The following DNAH11 variants were observed in gnomAD, a reference collection of about 807,000 sequenced individuals.
DNAH11 encodes the protein dynein axonemal heavy chain 11, also known as axonemal beta dynein heavy chain 11.
Under a neutral mutation model 526.0 loss-of-function variants are expected in DNAH11, and 442 were observed. The ratio of observed to expected loss-of-function variants is 0.84; its 90% CI spans 0.78 to 0.91. The LOEUF (loss-of-function observed/expected upper bound fraction) is 0.91. Among genes scored for constraint, DNAH11 ranks in the 40% least tolerant of loss-of-function variants. DNAH11 has a pLI of 0.00. For synonymous variants in DNAH11, 2,461 were observed against 1,935.9 expected (o/e 1.27, Z -7.12); for missense variants, 6,989 against 5,448.7 (o/e 1.28, Z -8.90).
At chr7:21,555,157 G>C (rs983902668) in intron 2 of DNAH11, among the ~76,000 whole-genome samples, 2 of 152,132 alleles carry the variant, frequency 1.3e-5, no homozygotes, top group South Asian at 4.1e-4. Context: ...TGTGAGGATG[G>C]GGTTTTATCA....
chr7:21,899,804 C>T (rs889422168), intron 80 of DNAH11, among the ~76,000 whole-genome samples, 176 bp from the exon 81 acceptor site: 2 of 152,174 alleles, frequency 1.3e-5, no homozygotes, highest in African/African-American at 2.4e-5. Context: ...ACAGAAACAG[C>T]GAGCTTGTCC....
Position 21,560,247 on chromosome 7 carries a change from CAG to C in DNAH11, c.882+457_882+458del, listed in dbSNP as rs202107719. Among the ~76,000 whole-genome samples the C allele has an allele frequency of 7.6e-3, 1,151 of 152,094 alleles. 14 individuals are homozygous for C. The highest frequency in any genetic ancestry group is 0.011 in the Non-Finnish European group (738 of 68,000). On this transcript the variant is annotated intron_variant, in intron 4 of 81. Coordinates refer to ENST00000409508, the MANE Select transcript of DNAH11 (RefSeq NM_001277115.2). The stretch of plus-strand genomic sequence containing the variant: ...CATGTCTTTTGGAGATTTTCTGAAA[CAG>C]AAATTTTATATGGAAAAATTAATAT...
Position 21,901,123 on chromosome 7 carries a change from C to CAGACCTACGA in DNAH11, c.13421_13430dup (p.Cys4478AspfsTer8). 6.2e-7 allele frequency: 1 copy of CAGACCTACGA among 1,613,932 alleles called. No individual in the cohort carries two copies. The highest frequency in any genetic ancestry group is 1.1e-5 in the South Asian group (1 of 91,084). On this transcript the variant is annotated frameshift_variant, in exon 82 of 82. Coordinates refer to ENST00000409508, the MANE Select transcript of DNAH11 (RefSeq NM_001277115.2). LOFTEE classifies it high-confidence loss of function. ...CCCCGTGGACAGACAAGAAACCAAA[C>CAGACCTACGA]AGACCTACGAGTGCCCTGTGTATAG...
chr7:21,901,630 G>GGAAA lies in DNAH11; in HGVS notation c.*380_*383dup, dbSNP rs1462931874. The GGAAA allele has an allele frequency of 1.3e-5, 2 of 158,932 alleles. No homozygotes were observed. The highest frequency in any genetic ancestry group is 1.3e-4 in the Admixed American group (2 of 15,648). 9.8% of individuals were successfully genotyped at this position (158,932 alleles called of 1,614,324 possible). Reference sequence around the variant, plus strand: ...GTGAACATGCAAAAGCAATGCAGCCGGAAAGAACGGAGATTTTAATTTTTA... The same window carrying GGAAA: ...GTGAACATGCAAAAGCAATGCAGCCGGAAAGAAAGAACGGAGATTTTAATTTTTA... On this transcript the variant is annotated 3_prime_UTR_variant, in exon 82 of 82. Transcript: ENST00000409508.
intron 54 of DNAH11, among the ~76,000 whole-genome samples, chr7:21,756,407 T>G (rs915656895): frequency 2.0e-5 from 3 of 152,140 alleles, no homozygotes; most frequent in African/African-American, 7.2e-5. Context: ...CACTGCATAA[T>G]AAACACAGAT....
intron 14 of DNAH11, among the ~76,000 whole-genome samples, chr7:21,592,220 G>T (rs889635535): frequency 1.3e-5 from 2 of 152,238 alleles, no homozygotes; most frequent in African/African-American, 4.8e-5. Context: ...TATGTCAGTT[G>T]TAATAGGAGC....
rs1784845120 is a variant in DNAH11, at chr7:21,720,782, C to T, written c.7192C>T (p.Pro2398Ser). The change falls in exon 44 of 82, where the codon CCA becomes TCA. Residue 2398 changes from proline to serine, a missense_variant. Transcript: ENST00000409508. ...LTPENVPSDS[P>S]KEVYEVYFVF... is the part of the protein sequence containing the mutation. The stretch of plus-strand genomic sequence containing the variant: ...TCCTGAAAATGTACCTTCTGACAGC[C>T]CAAAAGAAGTTTATGAAGTCTATTT... 1 of 1,606,558 alleles carries T rather than the reference C, an allele frequency of 6.2e-7. No homozygotes were observed. Among genetic ancestry groups the T allele is most frequent in the South Asian group, 1.1e-5 (1 of 89,524 alleles).
In DNAH11 at chr7:21,880,834, C is replaced by G; in HGVS notation, c.12328C>G (p.Pro4110Ala). Residue 4110 changes from proline to alanine, a missense_variant, in exon 75 of 82, where the codon CCT (proline) becomes GCT (alanine). Pro to Ala is a conservative substitution (Grantham distance 27). Coordinates refer to ENST00000409508, the MANE Select transcript of DNAH11 (RefSeq NM_001277115.2). ...QGWSRSYPFNPGDLTICASVL... is the reference protein window; with the variant it reads ...QGWSRSYPFNAGDLTICASVL... ...CTGGAGCCGAAGCTATCCTTTTAAT[C>G]CTGGAGACCTCACCATTTGTGCCAG... 6.2e-7 allele frequency: 1 copy of G among 1,613,898 alleles called. No individual in the cohort carries two copies. The highest frequency in any genetic ancestry group is 8.5e-7 in the Non-Finnish European group (1 of 1,179,876).
At chr7:21,864,812 G>A in intron 70 of DNAH11, among the ~76,000 whole-genome samples, 155 bp downstream of exon 70, 1 of 152,136 alleles carries the variant, frequency 6.6e-6, no homozygotes, top group East Asian at 1.9e-4. Flanking sequence ...ATTAATCTTT[G>A]TATTATTCAA....
Position 21,787,483 on chromosome 7 carries a change from A to C in DNAH11, c.9824A>C (p.Tyr3275Ser), listed in dbSNP as rs536938755. ...TGTCTAAAAGTGGTGAATGAACACT[A>C]TTTGAAAGACCCAGAGTTTAATCCA... ...ENCLKVVNEH[Y>S]LKDPEFNPNL... The change falls in exon 60 of 82, where the codon TAT (tyrosine) becomes TCT (serine). Residue 3275 changes from tyrosine (Y) to serine (S), a missense_variant. Coordinates refer to ENST00000409508, the MANE Select transcript of DNAH11 (RefSeq NM_001277115.2). 13 of 1,613,746 alleles carry C rather than the reference A, an allele frequency of 8.1e-6. No individual in the cohort carries two copies. Among genetic ancestry groups the C allele is most frequent in the Non-Finnish European group, 1.1e-5 (13 of 1,179,766 alleles).
intron 65 of DNAH11, among the ~76,000 whole-genome samples, chr7:21,839,420 A>G (rs935078471): frequency 1.3e-5 from 2 of 151,890 alleles, no homozygotes; most frequent in African/African-American, 4.8e-5. Flanking sequence ...TAAAAAATAC[A>G]AAAAATTAGC....
At chr7:21,646,278 T>G (rs558669369) in intron 28 of DNAH11, among the ~76,000 whole-genome samples, 8 of 152,330 alleles carry the variant, frequency 5.3e-5, no homozygotes, top group African/African-American at 1.7e-4. Flanking sequence ...TTTACCTTCT[T>G]GCCTGAAACA....
At chr7:21,840,071 CA>C (rs1782146853) in intron 65 of DNAH11, among the ~76,000 whole-genome samples, 3 of 152,202 alleles carry the variant, frequency 2.0e-5, no homozygotes, top group African/African-American at 4.8e-5. Context: ...ACCATAGACA[CA>C]AGAGACCTAA....
At chr7:21,875,758 C>G (rs1783680346) in intron 74 of DNAH11, among the ~76,000 whole-genome samples, 1 of 152,050 alleles carries the variant, frequency 6.6e-6, no homozygotes, top group African/African-American at 2.4e-5. Context: ...TTAAGAACAC[C>G]TGTTCTGGTC....
In DNAH11 at chr7:21,901,234, G is replaced by A. The variant is rs1562614917; in HGVS notation, c.13531G>A (p.Ala4511Thr). 1.9e-6 allele frequency: 3 copies of A among 1,608,054 alleles called. No individual in the cohort carries two copies. Among genetic ancestry groups the A allele is most frequent in the Non-Finnish European group, 2.5e-6 (3 of 1,177,036 alleles). The change falls in exon 82 of 82, where the codon GCT (alanine) becomes ACT (threonine). Residue 4511 changes from alanine to threonine, a missense_variant. By Grantham distance (58) the Ala-to-Thr change is moderately conservative (BLOSUM62 0). Coordinates refer to ENST00000409508, the MANE Select transcript of DNAH11 (RefSeq NM_001277115.2). ...KTAKWVLAGV[A>T]LLLEA ...TGCAAAATGGGTTCTGGCTGGAGTG[G>A]CTCTGCTTCTAGAAGCGTAAGGTAA...
intron 9 of DNAH11, among the ~76,000 whole-genome samples, chr7:21,586,925 T>C (rs1318880828): frequency 6.6e-6 from 1 of 152,208 alleles, no homozygotes; most frequent in Non-Finnish European, 1.5e-5. Context: ...CTAGACTGCC[T>C]GGTTTCAAAT....
At chr7:21,726,018 T>A (rs2965424) in intron 45 of DNAH11, 34 bp downstream of exon 45, 2 of 1,484,768 alleles carry the variant, frequency 1.3e-6, no homozygotes, top group Non-Finnish European at 1.8e-6. Context: ...TGTATTAGTC[T>A]GTTTTCATAT....
At chr7:21,676,978 G>C (rs753624380) in intron 30 of DNAH11, among the ~76,000 whole-genome samples, 3 of 152,194 alleles carry the variant, frequency 2.0e-5, no homozygotes, top group Non-Finnish European at 2.9e-5. Context: ...CACTCTGACA[G>C]TTCTTCAGTG....
intron 30 of DNAH11, among the ~76,000 whole-genome samples, chr7:21,661,138 C>G (rs1165198482): frequency 6.6e-6 from 1 of 151,978 alleles, no homozygotes; most frequent in Non-Finnish European, 1.5e-5. Flanking sequence ...ATTCTGTTCT[C>G]CACTCCCCAT....
Sources: gnomAD v4.1 joint callset for allele counts (sites outside exome capture counted in the v4.1 genomes callset) on GRCh38, gnomAD v4.1.1 for gene constraint, MANE v1.5 for transcripts, NCBI Gene and HGNC (gene_info 2026-07-23, HGNC 2026-07-21) for gene names.